Variants in RBFOX1 observed in about 807,000 individuals in gnomAD.
RBFOX1 encodes the protein RNA binding protein fox-1 homolog 1.
RBFOX1 carries 8 observed loss-of-function variants against 57.7 expected under a neutral mutation model. That is an observed-to-expected ratio of 0.14 (90% CI 0.08 to 0.25). The LOEUF (loss-of-function observed/expected upper bound fraction) is 0.25. RBFOX1 is among the 10% of genes least tolerant of loss of function. RBFOX1 has a pLI of 1.00. For missense variants in RBFOX1, 611 were observed against 548.5 expected (o/e 1.11, Z -1.14); for synonymous variants, 326 against 222.4 (o/e 1.47, Z -4.15).
At chr16:5,529,768 A>T (rs1299663764) in intron 2 of RBFOX1, among the ~76,000 whole-genome samples, 3 of 152,060 alleles carry the variant, frequency 2.0e-5, no homozygotes, top group African/African-American at 7.2e-5. Flanking sequence ...GGGTTTCACC[A>T]TGTTAGCCAG....
chr16:5,245,706 A>G (rs1267399005), intron 1 of RBFOX1, among the ~76,000 whole-genome samples: 3 of 152,190 alleles, frequency 2.0e-5, no homozygotes, highest in Admixed American at 2.0e-4. Context: ...TGCTGGGATT[A>G]TAGGCATGAG....
chr16:6,335,389 G>A (rs984479098), intron 2 of RBFOX1, among the ~76,000 whole-genome samples: 1 of 152,168 alleles, frequency 6.6e-6, no homozygotes, highest in South Asian at 2.1e-4. Context: ...CCAGGAGAGG[G>A]AGGAAGTTCT....
At chr16:7,332,687 T>G in intron 4 of RBFOX1, 2 of 870,234 alleles carry the variant, frequency 2.3e-6, no homozygotes, top group Non-Finnish European at 3.0e-6. Flanking sequence ...TCTCTCTCTC[T>G]GAGAACTAAA....
chr16:6,890,740 C>T (rs1327926209), intron 3 of RBFOX1, among the ~76,000 whole-genome samples: 1 of 152,170 alleles, frequency 6.6e-6, no homozygotes, highest in African/African-American at 2.4e-5. Context: ...AGGAGAGTGC[C>T]TAAATTCACT....
At chr16:6,912,928 C>T (rs763441542) in intron 3 of RBFOX1, among the ~76,000 whole-genome samples, 7 of 152,072 alleles carry the variant, frequency 4.6e-5, no homozygotes, top group Non-Finnish European at 8.8e-5. Context: ...CCTAGAGCTC[C>T]TTGTTTTTGG....
intron 4 of RBFOX1, among the ~76,000 whole-genome samples, chr16:7,205,367 AAT>A (rs2089710454): frequency 6.6e-6 from 1 of 151,842 alleles, no homozygotes; most frequent in South Asian, 2.1e-4. Flanking sequence ...AAAATACAAA[AAT>A]TAGCTGGGTG....
At chr16:5,381,408 A>G (rs1160882690) in intron 1 of RBFOX1, among the ~76,000 whole-genome samples, 1 of 152,236 alleles carries the variant, frequency 6.6e-6, no homozygotes, top group African/African-American at 2.4e-5. Context: ...CCTAACAGGC[A>G]CATAAATCAC....
At chr16:6,762,721 C>A (rs1360015770) in intron 3 of RBFOX1, among the ~76,000 whole-genome samples, 2 of 152,070 alleles carry the variant, frequency 1.3e-5, no homozygotes, top group Non-Finnish European at 2.9e-5. Context: ...AGGTTGAGTT[C>A]TAGAGATAGA....
At chr16:7,270,631 A>G (rs994268807) in intron 4 of RBFOX1, among the ~76,000 whole-genome samples, 1 of 152,210 alleles carries the variant, frequency 6.6e-6, no homozygotes, top group Non-Finnish European at 1.5e-5. Context: ...AGTGTTTAAA[A>G]TACTAAATCA....
intron 1 of RBFOX1, among the ~76,000 whole-genome samples, chr16:6,143,025 G>A (rs73529942): frequency 0.017 from 2,514 of 152,242 alleles, 74 homozygotes; most frequent in African/African-American, 0.057. Context: ...TCGGCTCTTG[G>A]TAGATATTTA....
intron 3 of RBFOX1, among the ~76,000 whole-genome samples, chr16:5,608,161 T>C (rs2047653750): frequency 1.3e-5 from 2 of 152,202 alleles, no homozygotes; most frequent in African/African-American, 2.4e-5. Context: ...TGGAAGCTCA[T>C]TGTCTGAGCG....
chr16:7,312,287 G>C (rs1247999276), intron 4 of RBFOX1, among the ~76,000 whole-genome samples: 1 of 152,212 alleles, frequency 6.6e-6, no homozygotes, highest in African/African-American at 2.4e-5. Flanking sequence ...GGCTGAGGCA[G>C]GAGAATCACT....
chr16:7,584,250 G>T (rs992255840), intron 6 of RBFOX1, among the ~76,000 whole-genome samples: 9 of 152,064 alleles, frequency 5.9e-5, no homozygotes, highest in Admixed American at 5.9e-4. Context: ...AAAATGCTTG[G>T]TAGGTATTTG....
At chr16:7,184,533 A>C (rs138356161) in intron 4 of RBFOX1, among the ~76,000 whole-genome samples, 5 of 152,324 alleles carry the variant, frequency 3.3e-5, no homozygotes, top group South Asian at 2.1e-4. Context: ...AAGTTAGCCA[A>C]GTGATTGAAG....
intron 2 of RBFOX1, among the ~76,000 whole-genome samples, chr16:6,616,728 C>G (rs1567900035): frequency 1.3e-5 from 2 of 152,182 alleles, no homozygotes; most frequent in Non-Finnish European, 2.9e-5. Flanking sequence ...AGCCACCATG[C>G]CCGGCAATAA....
chr16:7,544,261 G>A lies in RBFOX1; in HGVS notation c.270+25872G>A, dbSNP rs146062118. Among the ~76,000 whole-genome samples the A allele has an allele frequency of 1.8e-3, 269 of 152,294 alleles. 1 individual carries two copies. Among genetic ancestry groups the A allele is most frequent in the Middle Eastern group, 0.017 (5 of 294 alleles). ...AAATTATGACAAAGGAGAAGTGAAC[G>A]TTGGAGTCAGGTCATTGTGTGTCTG... On this transcript the variant is annotated intron_variant, in intron 5 of 15. Transcript: ENST00000550418.
intron 3 of RBFOX1, among the ~76,000 whole-genome samples, chr16:5,812,368 C>A (rs1164884240): frequency 6.6e-6 from 1 of 152,002 alleles, no homozygotes. Context: ...AACTGTTTTC[C>A]AGAGTGGTTG....
intron 2 of RBFOX1, among the ~76,000 whole-genome samples, chr16:6,579,620 C>T (rs926332893): frequency 6.6e-5 from 10 of 152,266 alleles, no homozygotes; most frequent in East Asian, 1.9e-4. Context: ...CCTTCCGCCA[C>T]GATTAGAAGT....
rs184848480 is a variant in RBFOX1, at chr16:5,441,537, G to A, written c.220-25679G>A. Among the ~76,000 whole-genome samples, 5 of 152,058 alleles carry A rather than the reference G, an allele frequency of 3.3e-5. No homozygotes were observed. In the East Asian group the frequency reaches 9.7e-4, roughly 30 times the overall value. Reference sequence around the variant, plus strand: ...GTGCCACCATGCCTGGCTAATTTTTGTATTTTTAGTAGAGATGAGGTTTCA... The same window carrying A: ...GTGCCACCATGCCTGGCTAATTTTTATATTTTTAGTAGAGATGAGGTTTCA... On this transcript the variant is annotated intron_variant, in intron 1 of 2. Coordinates refer to the RBFOX1 transcript ENST00000585867.
Sources: allele counts gnomAD v4.1 joint callset (sites outside exome capture counted in the v4.1 genomes callset), GRCh38; gene constraint gnomAD v4.1.1; transcripts MANE v1.5; gene names NCBI Gene and HGNC (gene_info 2026-07-23, HGNC 2026-07-21).